AOPEP: variants seen among roughly 807,000 people sequenced by gnomAD.
AOPEP encodes the protein aminopeptidase O.
A neutral mutation model predicts 98.1 loss-of-function variants in AOPEP; 77 were observed. The observed-to-expected ratio is 0.78, with a 90% CI of 0.65 to 0.95. The LOEUF (loss-of-function observed/expected upper bound fraction) is 0.95, where lower values mean the gene tolerates loss of function less well. Among genes scored for constraint, AOPEP ranks in the 40% least tolerant of loss-of-function variants. The pLI, the probability that AOPEP is intolerant of heterozygous loss-of-function variation, is 0.00. For synonymous variants in AOPEP, 346 were observed against 365.3 expected, an observed-to-expected ratio of 0.95 and a Z score of 0.60; for missense variants, 1,024 against 1,024.7, an observed-to-expected ratio of 1.00 and a Z score of 0.01.
At chr9:94,950,839 G>A (rs760185780) in intron 7 of AOPEP, among the ~76,000 whole-genome samples, 30 of 152,138 alleles carry the variant, frequency 2.0e-4, no homozygotes, top group Non-Finnish European at 3.8e-4. Context: ...GCAGCAGGTG[G>A]GTATTCAGAC....
intron 3 of AOPEP, among the ~76,000 whole-genome samples, chr9:94,776,025 A>G (rs116233329): frequency 0.038 from 5,779 of 151,960 alleles, 347 homozygotes; most frequent in African/African-American, 0.13. Context: ...ATATTTAAAA[A>G]TAAGTAACAT....
At chr9:94,790,456 G>A (rs1003513721) in intron 3 of AOPEP, among the ~76,000 whole-genome samples, 5 of 152,002 alleles carry the variant, frequency 3.3e-5, no homozygotes, top group African/African-American at 1.2e-4. Context: ...CACCACTCCC[G>A]GCCTACCTTC....
At chr9:95,130,940 T>C in the AOPEP span, among the ~76,000 whole-genome samples, 1 of 152,240 alleles carries the variant, frequency 6.6e-6, no homozygotes, top group Non-Finnish European at 1.5e-5. Context: ...CATTTGCTTC[T>C]TTTCTATTTT....
chr9:95,070,661 A>G lies in AOPEP; in HGVS notation c.2232+9851A>G, dbSNP rs2068403696. Among the ~76,000 whole-genome samples, 3 of 152,402 alleles carry G rather than the reference A, an allele frequency of 2.0e-5. No individual in the cohort carries two copies. In the South Asian group the frequency reaches 6.2e-4, roughly 32 times the overall value. ...CCAAAGATGGCCCAGAGGCCCATGC[A>G]TGCCCCAGACTTGCATGATGCTGTA... is the stretch of plus-strand genomic sequence containing the variant. On this transcript the variant is annotated intron_variant, in intron 14 of 16. Transcript: ENST00000375315.
At chr9:95,092,515 T>C in the AOPEP span, among the ~76,000 whole-genome samples, 10 of 152,244 alleles carry the variant, frequency 6.6e-5, no homozygotes, top group Non-Finnish European at 1.2e-4. Flanking sequence ...TCTGTGGCTT[T>C]GTCTGGGGCA....
intron 1 of AOPEP, among the ~76,000 whole-genome samples, chr9:94,733,843 G>A (rs1226097058): frequency 6.6e-6 from 1 of 152,172 alleles, no homozygotes; most frequent in Non-Finnish European, 1.5e-5. Context: ...TGGCAAGGAT[G>A]AACTGAATAC....
intron 10 of AOPEP, among the ~76,000 whole-genome samples, chr9:94,979,075 C>T (rs953791225): frequency 8.5e-5 from 13 of 152,108 alleles, no homozygotes; most frequent in Non-Finnish European, 8.8e-5. Context: ...CTTATCCTCC[C>T]GAAACTGGCT....
chr9:94,903,862 C>CCAG (rs954869971), intron 5 of AOPEP, among the ~76,000 whole-genome samples: 2 of 131,370 alleles, frequency 1.5e-5, no homozygotes, highest in Non-Finnish European at 3.1e-5. Context: ...CCATTGCACT[C>CCAG]CAGCATGGGC....
At chr9:95,011,021 C>G (rs1589254753) in intron 13 of AOPEP, among the ~76,000 whole-genome samples, 2 of 152,200 alleles carry the variant, frequency 1.3e-5, no homozygotes, top group East Asian at 3.9e-4. Flanking sequence ...ACCCAGGTCT[C>G]ATTTTAGATG....
the AOPEP span, among the ~76,000 whole-genome samples, chr9:95,105,675 A>C: frequency 2.0e-5 from 3 of 152,250 alleles, no homozygotes; most frequent in East Asian, 3.9e-4. Flanking sequence ...GGGAAACTCT[A>C]GCACTTCCTC....
At chr9:94,757,428 G>A (rs1474225490) in intron 1 of AOPEP, among the ~76,000 whole-genome samples, 3 of 152,130 alleles carry the variant, frequency 2.0e-5, no homozygotes, top group Non-Finnish European at 2.9e-5. Context: ...TTTTAGAGGC[G>A]GCAGTGGTTA....
intron 5 of AOPEP, among the ~76,000 whole-genome samples, chr9:94,804,370 T>C (rs895357020): frequency 6.6e-6 from 1 of 152,234 alleles, no homozygotes; most frequent in African/African-American, 2.4e-5. Flanking sequence ...TATGTTCTTT[T>C]TTTTCCTTGT....
At chr9:95,123,873 T>C in the AOPEP span, 2 of 562,782 alleles carry the variant, frequency 3.6e-6, no homozygotes, top group African/African-American at 1.9e-5. Flanking sequence ...ACGTAAGGAG[T>C]TGAGTCCTTA....
intron 5 of AOPEP, among the ~76,000 whole-genome samples, chr9:94,837,828 G>T (rs530374797): frequency 1.3e-5 from 2 of 152,152 alleles, no homozygotes; most frequent in Non-Finnish European, 2.9e-5. Flanking sequence ...AAAGTTGAAA[G>T]CTTTCTCTCT....
the AOPEP span, chr9:95,135,609 A>C: frequency 1.1e-6 from 1 of 918,740 alleles, no homozygotes; most frequent in Non-Finnish European, 1.7e-6. Context: ...GAGACTTCTC[A>C]TCATGGTCAC....
intron 1 of AOPEP, among the ~76,000 whole-genome samples, chr9:94,737,786 G>A (rs1832110671): frequency 6.6e-6 from 1 of 152,194 alleles, no homozygotes. Flanking sequence ...TCTGGTTGTG[G>A]TGAATATCCG....
At chr9:94,942,108 G>A (rs999855264) in intron 7 of AOPEP, among the ~76,000 whole-genome samples, 32 of 151,964 alleles carry the variant, frequency 2.1e-4, no homozygotes, top group Admixed American at 4.6e-4. Flanking sequence ...AAAATATTTC[G>A]TACAAAATTA....
At chr9:94,749,621 A>G (rs2132169541) in intron 1 of AOPEP, among the ~76,000 whole-genome samples, 1 of 152,238 alleles carries the variant, frequency 6.6e-6, no homozygotes, top group African/African-American at 2.4e-5. Context: ...TTTCTGGTTC[A>G]CTGTCTTCTA....
chr9:95,133,427 G>C, the AOPEP span, among the ~76,000 whole-genome samples: 5 of 152,358 alleles, frequency 3.3e-5, 1 homozygote, highest in South Asian at 1.0e-3. Context: ...CCCGATAAAA[G>C]CTTTTGTAAG....
Sources: gnomAD v4.1 joint callset for allele counts (sites outside exome capture counted in the v4.1 genomes callset) on GRCh38, gnomAD v4.1.1 for gene constraint, MANE v1.5 for transcripts, NCBI Gene and HGNC (gene_info 2026-07-23, HGNC 2026-07-21) for gene names.